The following ANKRD30A variants were observed in gnomAD, a reference collection of about 807,000 sequenced individuals.
ANKRD30A encodes ankyrin repeat domain-containing protein 30A.
ANKRD30A carries 170 observed loss-of-function variants against 166.3 expected under a neutral mutation model. That is an observed-to-expected ratio of 1.02 (90% CI 0.90 to 1.16). ANKRD30A has a LOEUF of 1.16. Ranked by LOEUF, ANKRD30A falls within the 50% of genes most tolerant of loss-of-function variation. ANKRD30A has a pLI of 0.00. For synonymous variants in ANKRD30A, 564 were observed against 508.9 expected, an observed-to-expected ratio of 1.11 and a Z score of -1.46; for missense variants, 1,630 against 1,518.0, an observed-to-expected ratio of 1.07 and a Z score of -1.23.
rs759628156 is a variant in ANKRD30A at position 37,201,218 on chromosome 10, G to T, written c.2779-17G>T. On this transcript the variant is annotated splice_polypyrimidine_tract_variant and intron_variant, in intron 30 of 35. Transcript: ENST00000361713. The stretch of plus-strand genomic sequence containing the variant: ...GATTTTTCCATTGAAATTATTTATT[G>T]ATATTACTTTTAACAGAGTCTCCGT... 1.4e-6 allele frequency: 2 copies of T among 1,474,396 alleles called. No homozygotes were observed. Among genetic ancestry groups the T allele is most frequent in the Middle Eastern group, 1.8e-4 (1 of 5,624 alleles). The allele number at this position is 1,474,396 out of a possible 1,614,324, so 91.3% of individuals were successfully genotyped here.
In ANKRD30A at chr10:37,136,676, G is replaced by T; in HGVS notation, c.820+5G>T. On this transcript the variant is annotated splice_donor_5th_base_variant and intron_variant, in intron 6 of 35. Transcript: ENST00000361713. ...ATCATCAAAATACCAATCCAGGTAA[G>T]ACTTCTGATAGTAAACTACCCTTGG... is the stretch of plus-strand genomic sequence containing the variant. 1 of 1,406,204 alleles carries T rather than the reference G, an allele frequency of 7.1e-7. No homozygotes were observed. The highest frequency in any genetic ancestry group is 9.8e-7 in the Non-Finnish European group (1 of 1,022,238). The allele number at this position is 1,406,204 out of a possible 1,614,324, so 87.1% of individuals were successfully genotyped here. A position where few individuals can be genotyped will look rare whatever the true frequency, so the allele number is the denominator to read the frequency against.
the ANKRD30A span, among the ~76,000 whole-genome samples, chr10:37,255,288 G>T: frequency 6.6e-6 from 1 of 152,134 alleles, no homozygotes; most frequent in Non-Finnish European, 1.5e-5. Flanking sequence ...GGGTGGGAAG[G>T]GGGAGGGTGA....
At chr10:37,232,697 T>TAG (rs5784546), downstream of ANKRD30A, 2 of 78,400 alleles carry the variant, frequency 2.6e-5, no homozygotes, top group African/African-American at 4.9e-5. Context: ...TATATATAAA[T>TAG]AGAGAGAGAG....
chr10:37,200,429 A>C (rs1382958193), intron 30 of ANKRD30A, among the ~76,000 whole-genome samples: 12 of 152,048 alleles, frequency 7.9e-5, no homozygotes, highest in Admixed American at 7.2e-4. Context: ...CAGCAGCATG[A>C]GCGTCAAATA....
At chr10:37,197,510 C>A in intron 29 of ANKRD30A, 30 bp downstream of exon 29, 1 of 1,611,366 alleles carries the variant, frequency 6.2e-7, no homozygotes, top group Non-Finnish European at 8.5e-7. Context: ...TATGCGAAGA[C>A]CAATATTTCA....
chr10:37,232,693 T>TATATATATATATATATATAA (rs1491500759), downstream of ANKRD30A: 55 of 9,110 alleles, frequency 6.0e-3, 1 homozygote, highest in Non-Finnish European at 0.011. Flanking sequence ...TATATATATA[T>TATATATATATATATATATAA]AAATAGAGAG....
intron 25 of ANKRD30A, among the ~76,000 whole-genome samples, chr10:37,191,804 G>A (rs543192387): frequency 3.4e-4 from 52 of 151,998 alleles, no homozygotes; most frequent in African/African-American, 1.2e-3. Context: ...GACCATCCTG[G>A]CTAACATGGT....
chr10:37,160,703 G>A (rs1187523312), intron 15 of ANKRD30A, among the ~76,000 whole-genome samples: 2 of 152,010 alleles, frequency 1.3e-5, no homozygotes, highest in African/African-American at 4.8e-5. Flanking sequence ...ATGGCACTGT[G>A]CTCTCTTTTT....
Position 37,231,442 on chromosome 10 carries a change from C to T in ANKRD30A, c.4186-19C>T. 1 of 1,584,832 alleles carries T rather than the reference C, an allele frequency of 6.3e-7. No homozygotes were observed. On this transcript the variant is annotated intron_variant, in intron 34 of 35. Transcript: ENST00000361713. ...GAAAAAATAAAATACTAAGCATTTT[C>T]CTTTTGCAATCTTCACAGAACTCAT...
chr10:37,151,778 AGAG>A (rs1256166062), intron 11 of ANKRD30A, among the ~76,000 whole-genome samples: 11 of 152,140 alleles, frequency 7.2e-5, no homozygotes, highest in African/African-American at 2.2e-4. Context: ...ACTGTGTTTC[AGAG>A]GAGAAGAGGA....
intron 31 of ANKRD30A, among the ~76,000 whole-genome samples, chr10:37,211,609 T>C (rs1037598876): frequency 1.9e-4 from 27 of 145,166 alleles, no homozygotes; most frequent in South Asian, 6.7e-4. Flanking sequence ...TGCATGTGTC[T>C]TTATAGCAGC....
Position 37,178,617 on chromosome 10 carries a change from G to T in ANKRD30A, c.2421+2399G>T, listed in dbSNP as rs1839920833. On this transcript the variant is annotated intron_variant, in intron 24 of 35. Transcript: ENST00000361713. Reference sequence around the variant, plus strand: ...AACATCATGGTCCTCTTAATTTTGAGGATGTTTTTAGTCAGGGGAGAAGAA... The same window carrying T: ...AACATCATGGTCCTCTTAATTTTGATGATGTTTTTAGTCAGGGGAGAAGAA... The T allele has an allele frequency of 8.3e-6, 8 of 968,658 alleles. 1 individual carries two copies. In the South Asian group the frequency reaches 2.9e-4, roughly 35 times the overall value. 60.0% of individuals were successfully genotyped at this position (968,658 alleles called of 1,614,324 possible).
At chr10:37,256,592 A>G in the ANKRD30A span, among the ~76,000 whole-genome samples, 1 of 152,218 alleles carries the variant, frequency 6.6e-6, no homozygotes, top group Non-Finnish European at 1.5e-5. Context: ...ACATTTATTG[A>G]GTACATAAAA....
chr10:37,245,180 T>C, the ANKRD30A span, among the ~76,000 whole-genome samples: 1 of 152,220 alleles, frequency 6.6e-6, no homozygotes. Flanking sequence ...TATACTCAAG[T>C]ATTTGGTATA....
At chr10:37,150,697 A>T (rs1837864903) in intron 11 of ANKRD30A, among the ~76,000 whole-genome samples, 1 of 152,076 alleles carries the variant, frequency 6.6e-6, no homozygotes, top group East Asian at 1.9e-4. Flanking sequence ...TTTTAATATT[A>T]GGTTGTTTAT....
At chr10:37,135,377 A>C (rs1046689456) in intron 5 of ANKRD30A, 2 of 152,228 alleles carry the variant, frequency 1.3e-5, no homozygotes, top group Non-Finnish European at 2.9e-5. Flanking sequence ...ACTACTTTCT[A>C]ACTAGCTCCA....
intron 34 of ANKRD30A, 132 bp downstream of exon 34, chr10:37,220,029 A>ATATATATATAT (rs1366777838): frequency 2.0e-5 from 3 of 148,444 alleles, no homozygotes; most frequent in Admixed American, 9.1e-5. Context: ...ATATATATAT[A>ATATATATATAT]ATATATGTAT....
intron 7 of ANKRD30A, 64 bp downstream of exon 7, chr10:37,142,354 G>GT: frequency 1.4e-6 from 2 of 1,440,506 alleles, no homozygotes; most frequent in South Asian, 2.8e-5. Context: ...TGAAAAAAGT[G>GT]TGATATGGGA....
Position 37,153,680 on chromosome 10 carries a change from T to C in ANKRD30A, c.1798+18T>C, listed in dbSNP as rs1838136004. 6 of 1,609,828 alleles carry C rather than the reference T, an allele frequency of 3.7e-6. No homozygotes were observed. In the South Asian group the frequency reaches 5.5e-5, roughly 15 times the overall value. ...ATTAGAAGGTAAGAACCGTTTTTTATTTAAAAATCAGTTGACCGAATATTT... is the reference window on the plus strand; with the variant it reads ...ATTAGAAGGTAAGAACCGTTTTTTACTTAAAAATCAGTTGACCGAATATTT... On this transcript the variant is annotated intron_variant, in intron 13 of 35. Transcript: ENST00000361713.
Sources: gnomAD v4.1 joint callset for allele counts (sites outside exome capture counted in the v4.1 genomes callset) on GRCh38, gnomAD v4.1.1 for gene constraint, MANE v1.5 for transcripts, NCBI Gene and HGNC (gene_info 2026-07-23, HGNC 2026-07-21) for gene names.